Variants in TDRKH observed in about 807,000 individuals in gnomAD.
TDRKH encodes tudor and KH domain containing.
Under a neutral mutation model 61.3 loss-of-function variants are expected in TDRKH, and 28 were observed. The observed-to-expected ratio is 0.46, with a 90% confidence interval of 0.34 to 0.63. The LOEUF is 0.63. Ranked by LOEUF, TDRKH falls within the 20% of genes least tolerant of loss-of-function variation. TDRKH has a pLI of 0.01. For missense variants in TDRKH, 540 were observed against 683.4 expected, an observed-to-expected ratio of 0.79 and a Z score of 2.34; for synonymous variants, 219 against 244.4, an observed-to-expected ratio of 0.90 and a Z score of 0.97.
At chr1:151,781,922 T>C in intron 2 of TDRKH, 1 of 449,366 alleles carries the variant, frequency 2.2e-6, no homozygotes, top group South Asian at 1.7e-5. Flanking sequence ...AGGGGTCCAT[T>C]AGGCTCAGAA....
downstream of TDRKH, chr1:151,766,818 G>A (rs756736979): frequency 4.4e-6 from 7 of 1,608,622 alleles, no homozygotes; most frequent in African/African-American, 4.0e-5. Context: ...GTCACCATAC[G>A]CCTATTACCT....
At chr1:151,770,394 C>T, downstream of TDRKH, 1 of 1,268,680 alleles carries the variant, frequency 7.9e-7, no homozygotes, top group Admixed American at 2.5e-5. Context: ...TCCCACCTAC[C>T]ACGAAGGTGG....
downstream of TDRKH, chr1:151,768,345 A>C (rs983907887): frequency 6.9e-7 from 1 of 1,439,924 alleles, no homozygotes. Context: ...CAATCCATTC[A>C]CCTGGCATGC....
At chr1:151,784,040 C>T (rs1043987208) in intron 1 of TDRKH, among the ~76,000 whole-genome samples, 1 of 152,226 alleles carries the variant, frequency 6.6e-6, no homozygotes, top group East Asian at 1.9e-4. Flanking sequence ...TCAAACGTCT[C>T]GTGCTGCCTC....
At chr1:151,775,231 AG>A in intron 10 of TDRKH, 65 bp from the exon 11 acceptor site, 3 of 1,583,936 alleles carry the variant, frequency 1.9e-6, no homozygotes, top group Non-Finnish European at 2.6e-6. Context: ...TGAGGAAACA[AG>A]GCAGAAGGAC....
At chr1:151,766,845 CG>C, downstream of TDRKH, 1 of 1,612,376 alleles carries the variant, frequency 6.2e-7, no homozygotes, top group South Asian at 1.1e-5. Flanking sequence ...TTACAAGTAC[CG>C]GATCACTCTC....
intron 1 of TDRKH, among the ~76,000 whole-genome samples, 175 bp downstream of exon 1, chr1:151,790,205 T>C (rs992394415): frequency 1.3e-5 from 2 of 152,144 alleles, no homozygotes; most frequent in Admixed American, 1.3e-4. Flanking sequence ...GAGTTCCCAG[T>C]GGGTCAAGTT....
At chr1:151,768,591 G>A (rs1277984368), downstream of TDRKH, among the ~76,000 whole-genome samples, 1 of 152,184 alleles carries the variant, frequency 6.6e-6, no homozygotes, top group Non-Finnish European at 1.5e-5. Flanking sequence ...GGCTTGGGTG[G>A]GTGGAGGGCA....
downstream of TDRKH, chr1:151,771,343 G>C: frequency 1.3e-6 from 2 of 1,495,400 alleles, no homozygotes; most frequent in Non-Finnish European, 1.8e-6. Context: ...AAGTGTTCAC[G>C]GTTTCTTGGG....
chr1:151,778,880 C>T lies in TDRKH; in HGVS notation c.688G>A (p.Gly230Arg). ...VRREDMTEPG[G>R]AGEPALWKNT... ...TTCCATAATGCTGGCTCTCCAGCTCCACCTGGCTCTGTCATGTCTTCTCTT... is the reference window on the plus strand; with the variant it reads ...TTCCATAATGCTGGCTCTCCAGCTCTACCTGGCTCTGTCATGTCTTCTCTT... The change falls in exon 6 of 13, where the codon GGA (glycine) becomes AGA (arginine). Residue 230 changes from glycine (G) to arginine (R), a missense_variant. Physicochemically the swap from Gly to Arg is moderately radical, Grantham distance 125 (BLOSUM62 -2). Around this residue, in one of 3 missense-constraint regions of TDRKH, gnomAD observed 379 missense variants for 443.8 expected, o/e 0.85. Coordinates refer to ENST00000368824, the MANE Select transcript of TDRKH (RefSeq NM_001083965.2). 1 of 1,614,226 alleles carries T rather than the reference C, an allele frequency of 6.2e-7. No individual in the cohort carries two copies. The highest frequency in any genetic ancestry group is 8.5e-7 in the Non-Finnish European group (1 of 1,180,032).
chr1:151,786,983 T>G (rs1370398318), intron 1 of TDRKH, among the ~76,000 whole-genome samples: 2 of 152,350 alleles, frequency 1.3e-5, no homozygotes, highest in Admixed American at 1.3e-4. Context: ...TTGGATAAGC[T>G]TCTCTTTTTT....
At chr1:151,771,108 C>T (rs1648679659), downstream of TDRKH, 1 of 1,608,546 alleles carries the variant, frequency 6.2e-7, no homozygotes, top group East Asian at 2.2e-5. Flanking sequence ...GCTACATGGG[C>T]TTTGAGGTGG....
chr1:151,775,138 T>C lies in TDRKH; in HGVS notation c.1463A>G (p.His488Arg). ...KKLDIGLELV[H>R]KGYAIELPED... is the part of the protein sequence containing the mutation. The stretch of plus-strand genomic sequence containing the variant: ...AGGAAGCTCAATTGCGTATCCTTTG[T>C]GTACTAATTCTAGCCCAATATCAAG... The change falls in exon 11 of 13, where the codon CAC (histidine) becomes CGC (arginine). Residue 488 changes from histidine (H) to arginine (R), a missense_variant. By Grantham distance (29) the His-to-Arg change is conservative. Around this residue, in one of 3 missense-constraint regions of TDRKH, gnomAD observed 379 missense variants for 443.8 expected, o/e 0.85. Coordinates refer to ENST00000368824, the MANE Select transcript of TDRKH (RefSeq NM_001083965.2). 6.2e-7 allele frequency: 1 copy of C among 1,614,148 alleles called. No homozygotes were observed. The highest frequency in any genetic ancestry group is 1.3e-5 in the African/African-American group (1 of 75,048).
Position 151,776,520 on chromosome 1 carries a change from G to T in TDRKH, c.963C>A (p.Phe321Leu). 1 of 1,614,194 alleles carries T rather than the reference G, an allele frequency of 6.2e-7. No individual in the cohort carries two copies. Among genetic ancestry groups the T allele is most frequent in the Non-Finnish European group, 8.5e-7 (1 of 1,180,038 alleles). Residue 321 changes from phenylalanine to leucine, a missense_variant, in exon 7 of 13, where the codon TTC becomes TTA. By Grantham distance (22) the Phe-to-Leu change is conservative. Around this residue, in one of 3 missense-constraint regions of TDRKH, gnomAD observed 379 missense variants for 443.8 expected, o/e 0.85. Transcript: ENST00000368824. ...TGCGGGAGCCAACGATCTGGATCCA[G>T]AAGTGGTTAGGGTGCTCAGAAGCAG... ...YVSASEHPNH[F>L]WIQIVGSRSL... is the part of the protein sequence containing the mutation.
In TDRKH at chr1:151,775,087, A is replaced by T. The variant is rs376931281; in HGVS notation, c.1514T>A (p.Val505Asp). ...CACCATGTCCTTCAACATGTCTGGG[A>T]CAGCTCTGTTTTCTTCTATGTCTTC... ...LPEDIEENRA[V>D]PDMLKDMATE... Residue 505 changes from valine (V) to aspartate (D), a missense_variant, in exon 11 of 13, where the codon GTC (valine) becomes GAC (aspartate). Around this residue, in one of 3 missense-constraint regions of TDRKH, gnomAD observed 379 missense variants for 443.8 expected, o/e 0.85. Transcript: ENST00000368824. The T allele has an allele frequency of 7.1e-5, 115 of 1,614,052 alleles. No individual in the cohort carries two copies. The highest frequency in any genetic ancestry group is 8.9e-5 in the Non-Finnish European group (105 of 1,180,032).
At chr1:151,787,893 G>A (rs1401757457) in intron 1 of TDRKH, among the ~76,000 whole-genome samples, 1 of 151,862 alleles carries the variant, frequency 6.6e-6, no homozygotes, top group African/African-American at 2.4e-5. Flanking sequence ...GGAGGCCGAG[G>A]TGGGAGATGG....
At chr1:151,776,019 T>C (rs1649133066) in intron 8 of TDRKH, 77 bp downstream of exon 8, 1 of 1,575,404 alleles carries the variant, frequency 6.3e-7, no homozygotes, top group Admixed American at 1.8e-5. Context: ...CAAATCCCCC[T>C]GACAACTGCC....
intron 4 of TDRKH, 116 bp downstream of exon 4, chr1:151,779,835 T>C (rs932924647): frequency 7.4e-6 from 8 of 1,084,828 alleles, no homozygotes; most frequent in African/African-American, 3.2e-5. Context: ...TCAATGTCCC[T>C]TTTTTTCCCC....
Position 151,776,137 on chromosome 1 carries a change from T to C in TDRKH, c.1176A>G (p.Gly392=), listed in dbSNP as rs1215911302. 4.3e-6 allele frequency: 7 copies of C among 1,614,014 alleles called. No homozygotes were observed. The highest frequency in any genetic ancestry group is 2.2e-5 in the East Asian group (1 of 44,864). Residue 392 remains glycine, a synonymous_variant, in exon 8 of 13, where the codon GGA becomes GGG. Transcript: ENST00000368824. The part of the protein sequence containing the change: ...GNLDLYFVDF[G]DNGDCPLKDL... ...CCTTCAGTGGGCAATCTCCATTATCTCCAAAGTCAACAAAATAGAGGTCCA... is the reference window on the plus strand; with the variant it reads ...CCTTCAGTGGGCAATCTCCATTATCCCCAAAGTCAACAAAATAGAGGTCCA...
Sources: gnomAD v4.1 joint callset for allele counts (sites outside exome capture counted in the v4.1 genomes callset) on GRCh38, gnomAD v4.1.1 for gene constraint, gnomAD v4.1.1 regional missense constraint, MANE v1.5 for transcripts, NCBI Gene and HGNC (gene_info 2026-07-23, HGNC 2026-07-21) for gene names.